Variants in TRMT9B observed in about 807,000 individuals in gnomAD.
The protein encoded by TRMT9B is tRNA methyltransferase 9B (putative), also known as probable tRNA methyltransferase 9B.
TRMT9B carries 16 observed loss-of-function variants against 11.5 expected under a neutral mutation model. That is an observed-to-expected ratio of 1.39 (90% CI 0.94 to 2.11). TRMT9B has a LOEUF of 2.11. TRMT9B is among the 30% of genes most tolerant of loss of function. The pLI is 0.00. For missense variants in TRMT9B, 941 were observed against 553.8 expected, an observed-to-expected ratio of 1.70 and a Z score of -7.02; for synonymous variants, 274 against 192.4, an observed-to-expected ratio of 1.42 and a Z score of -3.51.
At chr8:13,005,607 A>T (rs1810311452) in intron 2 of TRMT9B, among the ~76,000 whole-genome samples, 1 of 152,194 alleles carries the variant, frequency 6.6e-6, no homozygotes, top group East Asian at 1.9e-4. Context: ...AAGCAACACA[A>T]CCAGTCCTAT....
chr8:13,010,675 GA>G, intron 3 of TRMT9B: 1 of 984,710 alleles, frequency 1.0e-6, no homozygotes. Context: ...AAAGATGTAT[GA>G]GTCTGATTTT....
At chr8:12,988,001 T>A (rs1440088435) in intron 1 of TRMT9B, among the ~76,000 whole-genome samples, 1 of 152,242 alleles carries the variant, frequency 6.6e-6, no homozygotes, top group African/African-American at 2.4e-5. Flanking sequence ...GACACCATCA[T>A]AAAGTCAAAC....
chr8:12,947,861 G>A (rs1344208417), intron 1 of TRMT9B, among the ~76,000 whole-genome samples: 1 of 152,196 alleles, frequency 6.6e-6, no homozygotes, highest in Non-Finnish European at 1.5e-5. Flanking sequence ...CATTTGGAAA[G>A]TGTGCAGCCT....
At chr8:13,011,283 A>T in intron 3 of TRMT9B, 1 of 984,978 alleles carries the variant, frequency 1.0e-6, no homozygotes, top group Non-Finnish European at 1.2e-6. Flanking sequence ...ACCGCGCCAG[A>T]CCCCAAATTT....
intron 1 of TRMT9B, among the ~76,000 whole-genome samples, chr8:12,980,354 T>A (rs1489734076): frequency 6.6e-6 from 1 of 152,230 alleles, no homozygotes; most frequent in African/African-American, 2.4e-5. Context: ...TCCACCCAGA[T>A]AACCCAGGAT....
rs4831862 is a variant in TRMT9B at position 13,026,951 on chromosome 8, T to G, written c.*4907T>G. ...GTAGTCTCTTACATATTTTCCCTTT[T>G]ATCTTTTTTTCATTTGTAAATCTGT... On this transcript the variant is annotated 3_prime_UTR_variant, in exon 5 of 5. Transcript: ENST00000524591. 51,385 of 167,088 alleles carry G rather than the reference T, an allele frequency of 0.31. 8,852 individuals carry two copies. The highest frequency in any genetic ancestry group is 0.49 in the Middle Eastern group (144 of 296). 10.4% of individuals were successfully genotyped at this position (167,088 alleles called of 1,614,324 possible). A position where few individuals can be genotyped will look rare whatever the true frequency, so the allele number is the denominator to read the frequency against.
intron 1 of TRMT9B, among the ~76,000 whole-genome samples, chr8:12,985,546 G>A (rs1305526367): frequency 1.3e-5 from 2 of 152,182 alleles, no homozygotes; most frequent in African/African-American, 2.4e-5. Flanking sequence ...TGCTTATTCA[G>A]CTCTTATTCT....
At position 12,990,910 on chromosome 8, in the gene TRMT9B, A is replaced by C. The variant is rs77476499; in HGVS notation, c.-123A>C. The C allele has an allele frequency of 1.0e-3, 1,307 of 1,289,456 alleles. 8 individuals are homozygous for C. The African/African-American group carries it at 0.018, about 18-fold the overall frequency. 79.9% of individuals were successfully genotyped at this position (1,289,456 alleles called of 1,614,324 possible). A position where few individuals can be genotyped will look rare whatever the true frequency, so the allele number is the denominator to read the frequency against. The stretch of plus-strand genomic sequence containing the variant: ...CGCACTATTTCATTTCACTCCTACA[A>C]GTTTTCATTTACGTTACACATTGAG... On this transcript the variant is annotated 5_prime_UTR_variant, in exon 2 of 5. Transcript: ENST00000524591.
intron 1 of TRMT9B, among the ~76,000 whole-genome samples, chr8:12,979,610 C>G (rs1197110330): frequency 1.3e-5 from 2 of 152,196 alleles, no homozygotes; most frequent in East Asian, 1.9e-4. Context: ...CTCCCAAAGC[C>G]TTGCCCTACT....
intron 1 of TRMT9B, among the ~76,000 whole-genome samples, chr8:12,956,803 C>T (rs554467050): frequency 1.1e-4 from 16 of 152,264 alleles, no homozygotes; most frequent in Non-Finnish European, 2.4e-4. Flanking sequence ...CTTGAATTCA[C>T]TTTAATTACT....
rs1241315845 is a variant in TRMT9B, at chr8:12,945,972, T to C, written c.-200+6T>C. On this transcript the variant is annotated splice_donor_region_variant and intron_variant, in intron 1 of 4. Coordinates refer to ENST00000524591, the MANE Select transcript of TRMT9B (RefSeq NM_020844.3). ...CTCTGCAGTCTTCCTTCAAGGTATG[T>C]GTTGCAATTTGGGGTTGCACATTTT... The C allele has an allele frequency of 2.0e-5, 3 of 152,206 alleles. No homozygotes were observed. Among genetic ancestry groups the C allele is most frequent in the African/African-American group, 7.2e-5 (3 of 41,468 alleles). 9.4% of individuals were successfully genotyped at this position (152,206 alleles called of 1,614,324 possible).
chr8:13,014,416 A>C (rs1812235506), intron 4 of TRMT9B, among the ~76,000 whole-genome samples: 1 of 152,202 alleles, frequency 6.6e-6, no homozygotes, highest in Non-Finnish European at 1.5e-5. Context: ...ACCAGGTTGC[A>C]GATGGCTTAA....
chr8:12,955,111 C>T (rs772161813), intron 1 of TRMT9B, among the ~76,000 whole-genome samples: 3 of 152,154 alleles, frequency 2.0e-5, no homozygotes, highest in Non-Finnish European at 2.9e-5. Flanking sequence ...GACTCTAGAA[C>T]TGAATATTTG....
chr8:12,992,512 G>A (rs182245177), intron 2 of TRMT9B, among the ~76,000 whole-genome samples: 1 of 151,976 alleles, frequency 6.6e-6, no homozygotes, highest in East Asian at 1.9e-4. Context: ...GGTATCTGAA[G>A]GACAACAAAC....
Position 13,012,532 on chromosome 8 carries a change from G to A in TRMT9B, c.155-152G>A, listed in dbSNP as rs1040883290. The A allele has an allele frequency of 8.2e-5, 80 of 971,622 alleles. No homozygotes were observed. In the South Asian group the frequency reaches 1.1e-3, roughly 13 times the overall value. 60.2% of individuals were successfully genotyped at this position (971,622 alleles called of 1,614,324 possible). A position where few individuals can be genotyped will look rare whatever the true frequency, so the allele number is the denominator to read the frequency against. On this transcript the variant is annotated intron_variant, in intron 3 of 4. Coordinates refer to ENST00000524591, the MANE Select transcript of TRMT9B (RefSeq NM_020844.3). Reference sequence around the variant, plus strand: ...AGAGGTTGCAGTGAACCGAGATTGCGCCACTGCACTCCAGCCTGGGTGACT... The same window carrying A: ...AGAGGTTGCAGTGAACCGAGATTGCACCACTGCACTCCAGCCTGGGTGACT...
At chr8:12,962,829 G>T (rs1255621669) in intron 1 of TRMT9B, among the ~76,000 whole-genome samples, 1 of 152,170 alleles carries the variant, frequency 6.6e-6, no homozygotes, top group East Asian at 1.9e-4. Flanking sequence ...ACTTTAGAAT[G>T]AAAGTGAGTC....
At chr8:12,976,931 A>T (rs1466600376) in intron 1 of TRMT9B, among the ~76,000 whole-genome samples, 1 of 152,014 alleles carries the variant, frequency 6.6e-6, no homozygotes, top group Non-Finnish European at 1.5e-5. Context: ...CATTAACTTG[A>T]CCTCTGCTCC....
At chr8:12,962,240 T>A (rs564825699) in intron 1 of TRMT9B, 1 of 152,384 alleles carries the variant, frequency 6.6e-6, no homozygotes, top group Admixed American at 6.5e-5. Flanking sequence ...CTTCATCATA[T>A]GCCATTCCCT....
chr8:12,959,856 A>C (rs1258569534), intron 1 of TRMT9B: 1 of 152,112 alleles, frequency 6.6e-6, no homozygotes, highest in Non-Finnish European at 1.5e-5. Context: ...GAAAAGGAAT[A>C]CTTAATCTGC....
Sources: gnomAD v4.1 joint callset for allele counts (sites outside exome capture counted in the v4.1 genomes callset) on GRCh38, gnomAD v4.1.1 for gene constraint, MANE v1.5 for transcripts, NCBI Gene and HGNC (gene_info 2026-07-23, HGNC 2026-07-21) for gene names.